Variants in PCCA observed in about 807,000 individuals in gnomAD.
The protein encoded by PCCA is propionyl-CoA carboxylase subunit alpha.
In PCCA, 74 loss-of-function variants were observed where a neutral mutation model predicts 101.3. The ratio of observed to expected loss-of-function variants is 0.73; its 90% CI spans 0.61 to 0.89. The LOEUF (loss-of-function observed/expected upper bound fraction) is 0.89, where lower values mean the gene tolerates loss of function less well. Ranked by LOEUF, PCCA falls within the 40% of genes least tolerant of loss-of-function variation. PCCA has a pLI of 0.00. For synonymous variants in PCCA, 294 were observed against 313.6 expected (o/e 0.94, Z 0.66); for missense variants, 891 against 907.0 (o/e 0.98, Z 0.23).
At chr13:100,213,035 A>G (rs1433066511) in intron 7 of PCCA, among the ~76,000 whole-genome samples, 1 of 152,138 alleles carries the variant, frequency 6.6e-6, no homozygotes, top group African/African-American at 2.4e-5. Context: ...AATGTCCTCC[A>G]GTTCCATCTA....
chr13:100,171,701 C>T (rs1490124929), intron 6 of PCCA, among the ~76,000 whole-genome samples: 1 of 152,118 alleles, frequency 6.6e-6, no homozygotes, highest in Non-Finnish European at 1.5e-5. Context: ...CCAGCCTGGG[C>T]ACATAGGAAA....
intron 15 of PCCA, among the ~76,000 whole-genome samples, chr13:100,308,367 C>T (rs925277966): frequency 1.4e-4 from 21 of 152,106 alleles, no homozygotes; most frequent in South Asian, 4.2e-4. Context: ...CTTTTTCACC[C>T]AGGCTGGAGT....
chr13:100,220,321 G>T (rs34026332), intron 7 of PCCA, among the ~76,000 whole-genome samples: 22,612 of 151,600 alleles, frequency 0.15, 1,794 homozygotes, highest in Middle Eastern at 0.22. Flanking sequence ...GTGCAGTGGC[G>T]CAATCTTGGC....
Position 100,530,247 on chromosome 13 carries a change from A to T in PCCA, c.*81A>T, listed in dbSNP as rs1456567451. On this transcript the variant is annotated 3_prime_UTR_variant, in exon 24 of 24. Coordinates refer to ENST00000376285, the MANE Select transcript of PCCA (RefSeq NM_000282.4). ...TTCACACACAATTGATTCAAGCATT[A>T]TACAGGAACACCCCTGTGCAGCTAC... 6 of 1,094,188 alleles carry T rather than the reference A, an allele frequency of 5.5e-6. No homozygotes were observed. The highest frequency in any genetic ancestry group is 8.4e-6 in the Non-Finnish European group (6 of 711,916). 67.8% of individuals were successfully genotyped at this position (1,094,188 alleles called of 1,614,324 possible).
At position 100,205,479 on chromosome 13, in the gene PCCA, G is replaced by C. The variant is rs182636859; in HGVS notation, c.469-3853G>C. Among the ~76,000 whole-genome samples the C allele has an allele frequency of 2.0e-5, 3 of 150,350 alleles. No individual in the cohort carries two copies. In the East Asian group the frequency reaches 5.9e-4, roughly 29 times the overall value. On this transcript the variant is annotated intron_variant, in intron 6 of 23. Transcript: ENST00000376285. ...ATTTGTAGTTATCCAGCATACTACT[G>C]GCTATTTTTCTTTTGTATTGGGTGG... is the stretch of plus-strand genomic sequence containing the variant.
At chr13:100,211,455 C>T (rs2059207598) in intron 7 of PCCA, among the ~76,000 whole-genome samples, 1 of 152,202 alleles carries the variant, frequency 6.6e-6, no homozygotes. Flanking sequence ...GAATTCTGAT[C>T]TTATATCAAT....
chr13:100,366,642 C>G (rs778724200), intron 18 of PCCA, among the ~76,000 whole-genome samples: 59 of 152,042 alleles, frequency 3.9e-4, no homozygotes, highest in Non-Finnish European at 6.3e-4. Context: ...TCCTCCCCTC[C>G]CCACTGTGTG....
At chr13:100,520,007 GTTTA>G (rs1458009537) in intron 22 of PCCA, among the ~76,000 whole-genome samples, 2 of 152,222 alleles carry the variant, frequency 1.3e-5, no homozygotes, top group African/African-American at 2.4e-5. Flanking sequence ...TATTCAAGCA[GTTTA>G]TTTGACAAGA....
intron 16 of PCCA, among the ~76,000 whole-genome samples, chr13:100,311,267 T>G (rs769587471): frequency 6.6e-6 from 1 of 151,970 alleles, no homozygotes; most frequent in Non-Finnish European, 1.5e-5. Flanking sequence ...AATAAATAAT[T>G]ACGTGATTTT....
At chr13:100,189,011 A>G (rs992748931) in intron 6 of PCCA, among the ~76,000 whole-genome samples, 2 of 151,888 alleles carry the variant, frequency 1.3e-5, no homozygotes, top group South Asian at 2.1e-4. Flanking sequence ...TACATTAGGT[A>G]TTTCTCGTAA....
intron 21 of PCCA, among the ~76,000 whole-genome samples, chr13:100,454,616 T>C (rs1289318779): frequency 6.6e-6 from 1 of 152,228 alleles, no homozygotes; most frequent in Non-Finnish European, 1.5e-5. Flanking sequence ...CAGGTATAGA[T>C]TTGTCTTTGT....
intron 4 of PCCA, among the ~76,000 whole-genome samples, chr13:100,112,689 G>A (rs1176247922): frequency 6.9e-6 from 1 of 145,404 alleles, no homozygotes; most frequent in African/African-American, 2.5e-5. Context: ...CGATTCTCCC[G>A]CCTCAGCCTC....
chr13:100,389,161 G>A (rs2076673899), intron 19 of PCCA, among the ~76,000 whole-genome samples: 1 of 152,156 alleles, frequency 6.6e-6, no homozygotes, highest in Non-Finnish European at 1.5e-5. Flanking sequence ...TGGTGAGCAT[G>A]TATGTAGCGG....
chr13:100,370,699 C>A (rs762864307), intron 19 of PCCA, among the ~76,000 whole-genome samples: 1 of 152,180 alleles, frequency 6.6e-6, no homozygotes, highest in Non-Finnish European at 1.5e-5. Flanking sequence ...TAGCTACTTT[C>A]ATTTGACATC....
chr13:100,364,783 G>A (rs191901233), intron 18 of PCCA, among the ~76,000 whole-genome samples: 1 of 152,250 alleles, frequency 6.6e-6, no homozygotes, highest in Non-Finnish European at 1.5e-5. Context: ...TGGGTACTGT[G>A]ACTCACACCT....
chr13:100,411,201 G>A (rs997476025), intron 19 of PCCA, among the ~76,000 whole-genome samples: 1 of 151,490 alleles, frequency 6.6e-6, no homozygotes, highest in Non-Finnish European at 1.5e-5. Flanking sequence ...AACCTTACTG[G>A]TAATGGGACA....
At position 100,262,850 on chromosome 13, in the gene PCCA, C is replaced by T; in HGVS notation, c.819+19C>T. On this transcript the variant is annotated intron_variant, in intron 10 of 23. Transcript: ENST00000376285. ...AATCCAGGTTGGTACATTTAAGATG[C>T]TTTTTCATTATTATTTTAAAATAAT... 2 of 918,906 alleles carry T rather than the reference C, an allele frequency of 2.2e-6. No individual in the cohort carries two copies. The highest frequency in any genetic ancestry group is 1.6e-5 in the African/African-American group (1 of 61,498). The allele number at this position is 918,906 out of a possible 1,614,324, so 56.9% of individuals were successfully genotyped here.
In PCCA at chr13:100,508,206, AT is replaced by A. The variant is rs576835153; in HGVS notation, c.1900-7220del. Among the ~76,000 whole-genome samples, 905 of 152,290 alleles carry A rather than the reference AT, an allele frequency of 5.9e-3. 3 individuals carry two copies. Among genetic ancestry groups the A allele is most frequent in the Middle Eastern group, 0.014 (4 of 294 alleles). On this transcript the variant is annotated intron_variant, in intron 21 of 23. Coordinates refer to ENST00000376285, the MANE Select transcript of PCCA (RefSeq NM_000282.4). ...AATGCTGTTGATGATTAGCCTTAAG[AT>A]GGTTCTTTTCTCTAAGGAAACCCTC... is the stretch of plus-strand genomic sequence containing the variant.
chr13:100,155,609 T>A (rs1256426789), intron 5 of PCCA, among the ~76,000 whole-genome samples: 1 of 152,222 alleles, frequency 6.6e-6, no homozygotes, highest in Non-Finnish European at 1.5e-5. Context: ...CCCCCAGTTC[T>A]GTTTGAATAG....
Sources: allele counts gnomAD v4.1 joint callset (sites outside exome capture counted in the v4.1 genomes callset), GRCh38; gene constraint gnomAD v4.1.1; transcripts MANE v1.5; gene names NCBI Gene and HGNC (gene_info 2026-07-23, HGNC 2026-07-21).